Variants in MAPT observed in about 807,000 individuals in gnomAD.
The protein encoded by MAPT is microtubule-associated protein tau.
A neutral mutation model predicts 67.9 loss-of-function variants in MAPT; 34 were observed. That is an observed-to-expected ratio of 0.50 (90% CI 0.38 to 0.67). The LOEUF is 0.67. Among genes scored for constraint, MAPT ranks in the 30% least tolerant of loss-of-function variants. The probability of loss-of-function intolerance (pLI) is 0.00; values close to 1 mark genes in which losing one functional copy is unlikely to be tolerated. For synonymous variants in MAPT, 456 were observed against 464.5 expected, an observed-to-expected ratio of 0.98 and a Z score of 0.23; for missense variants, 881 against 1,115.2, an observed-to-expected ratio of 0.79 and a Z score of 2.99.
intron 12 of MAPT, among the ~76,000 whole-genome samples, chr17:46,019,960 C>T (rs1445465265): frequency 6.7e-6 from 1 of 149,750 alleles, no homozygotes; most frequent in East Asian, 2.0e-4. Context: ...TGTAGTGAGC[C>T]GAGATCGTGC....
intron 1 of MAPT, chr17:45,898,645 G>A (rs1439240315): frequency 1.3e-5 from 2 of 152,134 alleles, no homozygotes; most frequent in African/African-American, 4.8e-5. Context: ...ACGAACACGT[G>A]TTATTTTTCC....
At chr17:45,940,595 T>C (rs1568205094) in intron 1 of MAPT, among the ~76,000 whole-genome samples, 3 of 151,780 alleles carry the variant, frequency 2.0e-5, no homozygotes, top group Non-Finnish European at 4.4e-5. Context: ...GTTGGAGGAG[T>C]TGGGCATGTT....
intron 2 of MAPT, among the ~76,000 whole-genome samples, chr17:45,968,037 C>T (rs1278005468): frequency 6.6e-6 from 1 of 152,130 alleles, no homozygotes; most frequent in Non-Finnish European, 1.5e-5. Context: ...GACCTTTACA[C>T]CCTCCGCCCT....
chr17:45,912,939 CAA>C, intron 1 of MAPT, among the ~76,000 whole-genome samples: 1 of 152,290 alleles, frequency 6.6e-6, no homozygotes, highest in African/African-American at 2.4e-5. Context: ...TACCTCTAGA[CAA>C]AAGAGAGGGC....
intron 3 of MAPT, among the ~76,000 whole-genome samples, chr17:45,972,266 G>T (rs1320933227): frequency 6.6e-6 from 1 of 152,118 alleles, no homozygotes; most frequent in Admixed American, 6.5e-5. Flanking sequence ...CTTTCTTCAG[G>T]GGCCAGTAGG....
chr17:46,010,259 C>G lies in MAPT; in HGVS notation c.1999-51C>G, dbSNP rs747742111. The G allele has an allele frequency of 3.2e-6, 4 of 1,266,456 alleles. No homozygotes were observed. The African/African-American group carries it at 5.9e-5, about 19-fold the overall frequency. The allele number at this position is 1,266,456 out of a possible 1,614,324, so 78.5% of individuals were successfully genotyped here. A position where few individuals can be genotyped will look rare whatever the true frequency, so the allele number is the denominator to read the frequency against. On this transcript the variant is annotated intron_variant, in intron 9 of 12. Transcript: ENST00000262410. This position sits in a 1 kb window ranked among gnomAD's most constrained non-coding sequence, Gnocchi z 4.7. Reference sequence around the variant, plus strand: ...AAGTGGAGGCGTCCTTGCGAGCAAGCAGGCGGGTCCAGGGTGGCGTGTCAC... The same window carrying G: ...AAGTGGAGGCGTCCTTGCGAGCAAGGAGGCGGGTCCAGGGTGGCGTGTCAC...
At chr17:46,014,788 G>A (rs2076052624) in intron 11 of MAPT, among the ~76,000 whole-genome samples, 1 of 151,734 alleles carries the variant, frequency 6.6e-6, no homozygotes, top group African/African-American at 2.4e-5. Context: ...GCAGGAAAAT[G>A]GCGTGAACCC....
intron 8 of MAPT, chr17:45,994,107 A>G: frequency 1.2e-6 from 1 of 815,976 alleles, no homozygotes; most frequent in South Asian, 1.9e-5. Context: ...CAGCCTGAAG[A>G]TGGAGCAGTC....
intron 1 of MAPT, among the ~76,000 whole-genome samples, chr17:45,917,008 G>A (rs557049279): frequency 6.6e-6 from 1 of 152,212 alleles, no homozygotes; most frequent in African/African-American, 2.4e-5. Flanking sequence ...AGGAAGCATC[G>A]ATATTTGAGA....
At chr17:45,900,643 A>G (rs1031224184) in intron 1 of MAPT, among the ~76,000 whole-genome samples, 5 of 152,208 alleles carry the variant, frequency 3.3e-5, no homozygotes, top group African/African-American at 4.8e-5. Context: ...GCTCAAGGGC[A>G]GACACTGTTA....
chr17:45,970,454 C>T (rs143507232), intron 2 of MAPT, among the ~76,000 whole-genome samples: 37 of 152,364 alleles, frequency 2.4e-4, no homozygotes, highest in Admixed American at 6.5e-4. Context: ...TGATTTACCA[C>T]GATGGTCCCC....
At chr17:45,902,199 G>A (rs182534184) in intron 1 of MAPT, among the ~76,000 whole-genome samples, 56 of 152,142 alleles carry the variant, frequency 3.7e-4, no homozygotes, top group African/African-American at 1.0e-3. Flanking sequence ...AGCCTCCGCC[G>A]TAGCCGGGAC....
In MAPT at chr17:45,959,490, A is replaced by G. The variant is rs1012446981; in HGVS notation, c.-17-2831A>G. 3.3e-5 allele frequency among the ~76,000 whole-genome samples: 5 copies of G among 152,170 alleles called. No individual in the cohort carries two copies. The East Asian group carries it at 7.7e-4, about 23-fold the overall frequency. On this transcript the variant is annotated intron_variant, in intron 1 of 12. Transcript: ENST00000262410. ...CAAGCCCGATCTTGTTTGAAAAGCA[A>G]TTGGTGATGCTTCTCAAAATTCTAT...
chr17:45,899,474 C>T (rs565105885), intron 1 of MAPT, among the ~76,000 whole-genome samples: 55 of 152,282 alleles, frequency 3.6e-4, no homozygotes, highest in African/African-American at 1.0e-3. Context: ...TTATTATCTC[C>T]GTGATGGGGA....
chr17:46,023,898 C>T, intron 12 of MAPT, 58 bp from the exon 13 acceptor site: 6 of 1,463,352 alleles, frequency 4.1e-6, no homozygotes, highest in Non-Finnish European at 5.7e-6. Context: ...GGGCAGTTGG[C>T]AGGGCTGGTC....
intron 9 of MAPT, among the ~76,000 whole-genome samples, chr17:46,004,691 G>A (rs1487361767): frequency 6.6e-6 from 1 of 152,192 alleles, no homozygotes; most frequent in African/African-American, 2.4e-5. Context: ...ATACCCTTGT[G>A]TCTATTGTAA....
In MAPT at chr17:45,995,689, C is replaced by T. The variant is rs1291270370; in HGVS notation, c.1733-710C>T. On this transcript the variant is annotated intron_variant, in intron 8 of 12. Coordinates refer to ENST00000262410, the MANE Select transcript of MAPT (RefSeq NM_001377265.1). This position sits in a 1 kb window ranked among gnomAD's most constrained non-coding sequence, Gnocchi z 4.3. ...ACTGCTATGCATGGCAGGTGGGGAACTGTACGTCAGGGCACAGCAGCATGA... is the reference window on the plus strand; with the variant it reads ...ACTGCTATGCATGGCAGGTGGGGAATTGTACGTCAGGGCACAGCAGCATGA... Among the ~76,000 whole-genome samples, 1 of 152,164 alleles carries T rather than the reference C, an allele frequency of 6.6e-6. No individual in the cohort carries two copies. Among genetic ancestry groups the T allele is most frequent in the South Asian group, 2.1e-4 (1 of 4,828 alleles).
In MAPT at chr17:45,924,188, C is replaced by T. The variant is rs1459185896; in HGVS notation, c.-18+29502C>T. On this transcript the variant is annotated intron_variant, in intron 1 of 12. Coordinates refer to ENST00000262410, the MANE Select transcript of MAPT (RefSeq NM_001377265.1). ...CACGAAGAGGAGAGAAGGCAGCCCCCCAGACTCCCAACCCCCTGTCCAAGA... is the reference window on the plus strand; with the variant it reads ...CACGAAGAGGAGAGAAGGCAGCCCCTCAGACTCCCAACCCCCTGTCCAAGA... 2.6e-5 allele frequency among the ~76,000 whole-genome samples: 4 copies of T among 152,082 alleles called. No homozygotes were observed. In the East Asian group the frequency reaches 7.7e-4, roughly 29 times the overall value.
At chr17:45,921,694 G>C (rs572665420) in intron 1 of MAPT, among the ~76,000 whole-genome samples, 1 of 152,150 alleles carries the variant, frequency 6.6e-6, no homozygotes, top group Non-Finnish European at 1.5e-5. Flanking sequence ...TGCAAGTGAT[G>C]GTGACTAAAT....
Sources: allele counts gnomAD v4.1 joint callset (sites outside exome capture counted in the v4.1 genomes callset), GRCh38; gene constraint gnomAD v4.1.1; non-coding constraint Gnocchi (gnomAD v3.1); transcripts MANE v1.5; gene names NCBI Gene and HGNC (gene_info 2026-07-23, HGNC 2026-07-21).